Variants in PSD4 observed in about 807,000 individuals in gnomAD.
PSD4 encodes pleckstrin and Sec7 domain containing 4.
A neutral mutation model predicts 112.5 loss-of-function variants in PSD4; 59 were observed. The observed-to-expected ratio is 0.52, with a 90% confidence interval of 0.43 to 0.65. The LOEUF (loss-of-function observed/expected upper bound fraction) is 0.65. PSD4 is among the 30% of genes least tolerant of loss of function. The pLI, the probability that PSD4 is intolerant of heterozygous loss-of-function variation, is 0.00. For synonymous variants in PSD4, 533 were observed against 540.0 expected (o/e 0.99, Z 0.18); for missense variants, 1,267 against 1,352.6 (o/e 0.94, Z 0.99).
Position 113,182,358 on chromosome 2 carries a change from T to G in PSD4, c.-99T>G. ...TGGGCATTTCCAGGGTAGATATGGA[T>G]TCCCAGTTTCTCCAGCGGCCAGTGC... is the stretch of plus-strand genomic sequence containing the variant. On this transcript the variant is annotated 5_prime_UTR_variant, in exon 2 of 17. Transcript: ENST00000245796. The G allele has an allele frequency of 8.4e-7, 1 of 1,187,998 alleles. No individual in the cohort carries two copies. Among genetic ancestry groups the G allele is most frequent in the South Asian group, 1.5e-5 (1 of 66,388 alleles). The allele number at this position is 1,187,998 out of a possible 1,614,324, so 73.6% of individuals were successfully genotyped here.
intron 14 of PSD4, 40 bp downstream of exon 14, chr2:113,197,953 C>CT: frequency 6.6e-7 from 1 of 1,508,060 alleles, no homozygotes; most frequent in South Asian, 1.3e-5. Context: ...AGGCCTTGCC[C>CT]TGCCCTAGTT....
intron 2 of PSD4, 141 bp from the exon 3 acceptor site, chr2:113,184,816 C>A: frequency 8.1e-7 from 1 of 1,241,798 alleles, no homozygotes; most frequent in Non-Finnish European, 1.1e-6. Context: ...CCTCCTTGGG[C>A]TGGCACCACC....
intron 1 of PSD4, among the ~76,000 whole-genome samples, chr2:113,177,144 A>G (rs1688001182): frequency 6.6e-6 from 1 of 152,210 alleles, no homozygotes; most frequent in Non-Finnish European, 1.5e-5. Flanking sequence ...CCTGGTAGGA[A>G]CCTACCTCTG....
At chr2:113,200,537 C>T (rs1029066767) in intron 16 of PSD4, among the ~76,000 whole-genome samples, 5 of 152,150 alleles carry the variant, frequency 3.3e-5, no homozygotes, top group African/African-American at 1.2e-4. Context: ...CTGTGAGGAC[C>T]CAACCTCTTC....
Position 113,184,973 on chromosome 2 carries a change from C to G in PSD4, c.1073C>G (p.Pro358Arg). The G allele has an allele frequency of 6.2e-7, 1 of 1,614,216 alleles. No homozygotes were observed. The highest frequency in any genetic ancestry group is 8.5e-7 in the Non-Finnish European group (1 of 1,180,030). ...ACTTCTCAGGGAGATAGGCTTGGTC[C>G]TGCTCCATCTGCAGCACCGTGTGTG... ...HGESEGDRLG[P>R]APSAAPCVDE... The change falls in exon 3 of 17, where the codon CCT becomes CGT. Residue 358 changes from proline to arginine, a missense_variant. Pro to Arg is a moderately radical substitution (Grantham distance 103, BLOSUM62 -2). This residue lies in a region of PSD4 where 723 missense variants were observed against 704.0 expected (regional missense o/e 1.03). Transcript: ENST00000245796.
chr2:113,186,101 C>T lies in PSD4; in HGVS notation c.1474C>T (p.Leu492Phe), dbSNP rs1688292765. 1.2e-6 allele frequency: 2 copies of T among 1,614,238 alleles called. No homozygotes were observed. The highest frequency in any genetic ancestry group is 1.1e-5 in the South Asian group (1 of 91,088). Residue 492 changes from leucine to phenylalanine, a missense_variant, in exon 5 of 17, where the codon CTC becomes TTC. By Grantham distance (22) the Leu-to-Phe change is conservative. Coordinates refer to ENST00000245796, the MANE Select transcript of PSD4 (RefSeq NM_012455.3). ...KWTLDASQSSLLETDGEQPSS... is the reference protein window; with the variant it reads ...KWTLDASQSSFLETDGEQPSS... ...GACACTAGATGCTTCACAGTCTTCA[C>T]TCTTGGAGACGGATGGGGAACAGCC...
chr2:113,201,620 A>C lies in PSD4; in HGVS notation c.*205A>C. On this transcript the variant is annotated 3_prime_UTR_variant, in exon 17 of 17. Coordinates refer to ENST00000245796, the MANE Select transcript of PSD4 (RefSeq NM_012455.3). ...TATTGCTGTGCTCCCCACCACCCCC[A>C]TGGCAGTCCCTCCGCAGCCCCAGTC... 2.6e-5 allele frequency: 18 copies of C among 692,528 alleles called. No homozygotes were observed. Among genetic ancestry groups the C allele is most frequent in the East Asian group, 5.7e-5 (2 of 34,912 alleles). 42.9% of individuals were successfully genotyped at this position (692,528 alleles called of 1,614,324 possible). A position where few individuals can be genotyped will look rare whatever the true frequency, so the allele number is the denominator to read the frequency against.
chr2:113,186,106 G>A lies in PSD4; in HGVS notation c.1479G>A (p.Leu493=). 2 of 1,614,212 alleles carry A rather than the reference G, an allele frequency of 1.2e-6. No individual in the cohort carries two copies. The highest frequency in any genetic ancestry group is 2.2e-5 in the South Asian group (2 of 91,084). Residue 493 remains leucine, a synonymous_variant, in exon 5 of 17, where the codon TTG becomes TTA. Coordinates refer to ENST00000245796, the MANE Select transcript of PSD4 (RefSeq NM_012455.3). ...WTLDASQSSL[L]ETDGEQPSSL... is the part of the protein sequence containing the mutation. ...TAGATGCTTCACAGTCTTCACTCTT[G>A]GAGACGGATGGGGAACAGCCAAGTT...
At chr2:113,193,412 G>C (rs547535244) in intron 8 of PSD4, 42 bp downstream of exon 8, 2 of 1,588,460 alleles carry the variant, frequency 1.3e-6, no homozygotes, top group Non-Finnish European at 1.7e-6. Context: ...GGGAAACTTT[G>C]GGGTGCCCAT....
chr2:113,198,078 AC>A, intron 14 of PSD4, 165 bp downstream of exon 14: 1 of 911,124 alleles, frequency 1.1e-6, no homozygotes, highest in Non-Finnish European at 1.6e-6. Flanking sequence ...GGAGCTGGGG[AC>A]CAGGGATGAA....
chr2:113,192,754 C>T (rs1347683377), intron 6 of PSD4, among the ~76,000 whole-genome samples, 165 bp downstream of exon 6: 1 of 152,190 alleles, frequency 6.6e-6, no homozygotes, highest in Non-Finnish European at 1.5e-5. Flanking sequence ...CTGCTGCTTA[C>T]TCTCAGTCAT....
At chr2:113,198,555 TC>T in intron 14 of PSD4, 184 bp from the exon 15 acceptor site, 1 of 623,694 alleles carries the variant, frequency 1.6e-6, no homozygotes, top group Non-Finnish European at 2.4e-6. Flanking sequence ...CTCCAAATTT[TC>T]CTCTTTATTG....
chr2:113,196,466 T>G, intron 12 of PSD4, 159 bp downstream of exon 12: 1 of 934,530 alleles, frequency 1.1e-6, no homozygotes, highest in Non-Finnish European at 1.6e-6. Flanking sequence ...AGTGACCATG[T>G]GCTGGATGCT....
At chr2:113,194,494 A>G (rs1226790242) in intron 10 of PSD4, among the ~76,000 whole-genome samples, 1 of 152,242 alleles carries the variant, frequency 6.6e-6, no homozygotes, top group Non-Finnish European at 1.5e-5. Context: ...CTGTTTCATC[A>G]CAGTCACGCA....
rs575273060 is a variant in PSD4, at chr2:113,198,914, G to T, written c.2769+30G>T. 444 of 1,549,502 alleles carry T rather than the reference G, an allele frequency of 2.9e-4. 3 individuals are homozygous for T. In the East Asian group the frequency reaches 0.01, roughly 36 times the overall value. Reference sequence around the variant, plus strand: ...GGCCTCCGGGAAGGGGTGGGGTCCGGCGGAACTGGGAATGTGCACCTGGAG... The same window carrying T: ...GGCCTCCGGGAAGGGGTGGGGTCCGTCGGAACTGGGAATGTGCACCTGGAG... On this transcript the variant is annotated intron_variant, in intron 15 of 16. Transcript: ENST00000245796.
In PSD4 at chr2:113,208,657, A is replaced by C. The variant is rs564610131; in HGVS notation, c.*7242A>C. On this transcript the variant is annotated 3_prime_UTR_variant, in exon 17 of 17. Transcript: ENST00000245796. ...GACACAGGTTCAGGAGGAGGTACCC[A>C]GACACAGAAGAGATGCTTTCCCTGT... 24 of 152,386 alleles carry C rather than the reference A, an allele frequency of 1.6e-4. No homozygotes were observed. Among genetic ancestry groups the C allele is most frequent in the Admixed American group, 1.4e-3 (21 of 15,298 alleles). 9.4% of individuals were successfully genotyped at this position (152,386 alleles called of 1,614,324 possible).
At chr2:113,197,396 C>T (rs1573376149) in intron 12 of PSD4, 168 bp from the exon 13 acceptor site, 2 of 727,218 alleles carry the variant, frequency 2.8e-6, no homozygotes, top group Non-Finnish European at 2.4e-6. Context: ...TGTTTGTTTA[C>T]GATTGTATGT....
intron 3 of PSD4, 29 bp from the exon 4 acceptor site, chr2:113,185,336 C>T (rs1688266550): frequency 6.2e-7 from 1 of 1,613,586 alleles, no homozygotes. Context: ...ATCCAGGGCT[C>T]ATGGGAATGC....
intron 14 of PSD4, among the ~76,000 whole-genome samples, chr2:113,198,364 C>G (rs45545733): frequency 0.01 from 1,578 of 152,356 alleles, 27 homozygotes; most frequent in African/African-American, 0.036. Flanking sequence ...CGCCGCCTCC[C>G]GGGTTCAAGC....
Sources: allele counts gnomAD v4.1 joint callset (sites outside exome capture counted in the v4.1 genomes callset), GRCh38; gene constraint gnomAD v4.1.1; regional missense constraint gnomAD v4.1.1; transcripts MANE v1.5; gene names NCBI Gene and HGNC (gene_info 2026-07-23, HGNC 2026-07-21).